TNRC18: variants seen among roughly 807,000 people sequenced by gnomAD.
TNRC18 encodes the protein trinucleotide repeat containing 18, also known as trinucleotide repeat-containing gene 18 protein.
In TNRC18, 69 loss-of-function variants were observed where a neutral mutation model predicts 226.7. The observed-to-expected ratio is 0.30, with a 90% CI of 0.25 to 0.37. The LOEUF (loss-of-function observed/expected upper bound fraction) is 0.37. TNRC18 is among the 10% of genes least tolerant of loss of function. The pLI, the probability that TNRC18 is intolerant of heterozygous loss-of-function variation, is 1.00. For synonymous variants in TNRC18, 2,449 were observed against 1,927.6 expected (o/e 1.27, Z -7.09); for missense variants, 4,754 against 4,256.6 (o/e 1.12, Z -3.25).
rs1205260992 is a variant in TNRC18, at chr7:5,312,975, G to A, written c.7916C>T (p.Ser2639Phe). 9 of 1,108,526 alleles carry A rather than the reference G, an allele frequency of 8.1e-6. No homozygotes were observed. The highest frequency in any genetic ancestry group is 4.1e-5 in the Admixed American group (2 of 48,624). 68.7% of individuals were successfully genotyped at this position (1,108,526 alleles called of 1,614,324 possible). A position where few individuals can be genotyped will look rare whatever the true frequency, so the allele number is the denominator to read the frequency against. The change falls in exon 27 of 30, where the codon TCC becomes TTC. Residue 2639 changes from serine (S) to phenylalanine (F), a missense_variant. Physicochemically the swap from Ser to Phe is radical, Grantham distance 155. Transcript: ENST00000430969. The surrounding 1 kb of genome is among the most constrained non-coding windows in gnomAD (Gnocchi z 6.3). Reference protein sequence around the residue: ...SSSSSSSSSSSSSSSSSSSSS... With the variant: ...SSSSSSSSSSFSSSSSSSSSS... ...GGAAGACGAAGAGGAAGAGGAGGAG[G>A]AGGAAGAGGAGGAGGAGGAAGAGGA... is the stretch of plus-strand genomic sequence containing the variant.
chr7:5,394,513 A>G lies in TNRC18; in HGVS notation c.270T>C (p.Ser90=). The stretch of plus-strand genomic sequence containing the variant: ...GGGTTGGGGAGCGGAAAGACAGGTC[A>G]GAGGGCAGTGGCACTGGGCTCCCAT... ...SSHGSPVPLP[S]DLSFRSPTPS... The change falls in exon 3 of 30, where the codon TCT becomes TCC. Residue 90 remains serine, a synonymous_variant. Coordinates refer to ENST00000430969, the MANE Select transcript of TNRC18 (RefSeq NM_001080495.3). This position sits in a 1 kb window ranked among gnomAD's most constrained non-coding sequence, Gnocchi z 4.5. The G allele has an allele frequency of 6.4e-7, 1 of 1,556,986 alleles. No homozygotes were observed. Among genetic ancestry groups the G allele is most frequent in the East Asian group, 2.4e-5 (1 of 41,100 alleles).
Position 5,309,022 on chromosome 7 carries a change from G to C in TNRC18, c.8626-73C>G, listed in dbSNP as rs1015199065. The C allele has an allele frequency of 6.5e-7, 1 of 1,530,166 alleles. No homozygotes were observed. Among genetic ancestry groups the C allele is most frequent in the Admixed American group, 1.9e-5 (1 of 51,680 alleles). The allele number at this position is 1,530,166 out of a possible 1,614,324, so 94.8% of individuals were successfully genotyped here. A position where few individuals can be genotyped will look rare whatever the true frequency, so the allele number is the denominator to read the frequency against. Reference sequence around the variant, plus strand: ...CACCCGACCCCAGGCCCCAGGACAGGGCTGACCCACTGGGCAGGGCTGCTG... The same window carrying C: ...CACCCGACCCCAGGCCCCAGGACAGCGCTGACCCACTGGGCAGGGCTGCTG... On this transcript the variant is annotated intron_variant, in intron 28 of 29. Coordinates refer to ENST00000430969, the MANE Select transcript of TNRC18 (RefSeq NM_001080495.3). The surrounding 1 kb of genome is among the most constrained non-coding windows in gnomAD (Gnocchi z 5.7).
chr7:5,392,336 G>A (rs748096552), intron 3 of TNRC18, among the ~76,000 whole-genome samples: 3 of 152,138 alleles, frequency 2.0e-5, no homozygotes, highest in Non-Finnish European at 4.4e-5. Flanking sequence ...GGTAGCAGGC[G>A]CCTGTAGTCC....
intron 19 of TNRC18, among the ~76,000 whole-genome samples, chr7:5,327,746 A>T (rs1322551062): frequency 1.3e-5 from 2 of 149,990 alleles, no homozygotes; most frequent in African/African-American, 5.0e-5. Context: ...ACTTTTTTGT[A>T]AAAAAAACAT....
At chr7:5,415,211 T>A (rs1379913041) in intron 2 of TNRC18, among the ~76,000 whole-genome samples, 5 of 151,986 alleles carry the variant, frequency 3.3e-5, no homozygotes, top group Non-Finnish European at 5.9e-5. Flanking sequence ...ACTTTTGTGT[T>A]CCGTCCACCT....
At chr7:5,349,543 G>T (rs1206277120) in intron 17 of TNRC18, among the ~76,000 whole-genome samples, 1 of 152,222 alleles carries the variant, frequency 6.6e-6, no homozygotes, top group African/African-American at 2.4e-5. Flanking sequence ...CCCGGTGGGG[G>T]CGAACCCCGA....
At position 5,324,087 on chromosome 7, in the gene TNRC18, C is replaced by G; in HGVS notation, c.6442+127G>C. ...GACCCGGATAACTCAGCCTCAGGATCTCTGCTCCTGTGGTTCCCTGCCCCC... is the reference window on the plus strand; with the variant it reads ...GACCCGGATAACTCAGCCTCAGGATGTCTGCTCCTGTGGTTCCCTGCCCCC... On this transcript the variant is annotated intron_variant, in intron 21 of 29. Coordinates refer to ENST00000430969, the MANE Select transcript of TNRC18 (RefSeq NM_001080495.3). The surrounding 1 kb of genome is among the most constrained non-coding windows in gnomAD (Gnocchi z 4.8). 1 of 1,089,156 alleles carries G rather than the reference C, an allele frequency of 9.2e-7. No homozygotes were observed. The highest frequency in any genetic ancestry group is 1.3e-6 in the Non-Finnish European group (1 of 777,064). 67.5% of individuals were successfully genotyped at this position (1,089,156 alleles called of 1,614,324 possible).
chr7:5,354,857 C>T (rs1460191447), intron 16 of TNRC18, among the ~76,000 whole-genome samples: 1 of 152,200 alleles, frequency 6.6e-6, no homozygotes, highest in Non-Finnish European at 1.5e-5. Context: ...GTGACGATAT[C>T]TTAACTCTGA....
At chr7:5,356,642 G>A (rs1181104312) in intron 16 of TNRC18, among the ~76,000 whole-genome samples, 1 of 152,152 alleles carries the variant, frequency 6.6e-6, no homozygotes, top group Non-Finnish European at 1.5e-5. Flanking sequence ...GCCGGCGGAG[G>A]TCGGCTCCCA....
chr7:5,332,504 G>T, intron 19 of TNRC18, 118 bp downstream of exon 19: 1 of 1,186,012 alleles, frequency 8.4e-7, no homozygotes, highest in Non-Finnish European at 1.1e-6. Context: ...CGGGCCTGGA[G>T]CCGAGTACAT....
rs777049427 is a variant in TNRC18, at chr7:5,388,342, G to A, written c.1482C>T (p.Phe494=). 8.8e-6 allele frequency: 14 copies of A among 1,589,716 alleles called. No homozygotes were observed. The East Asian group carries it at 1.4e-4, about 16-fold the overall frequency. ...GPAAQQAAKL[F]GLEPGRPPPT... ...GCGGGGGGCGCCCGGGCTCCAGGCC[G>A]AAGAGCTTGGCGGCCTGTTGGGCTG... is the stretch of plus-strand genomic sequence containing the variant. Residue 494 remains phenylalanine (F), a synonymous_variant, in exon 5 of 30, where the codon TTC becomes TTT. Transcript: ENST00000430969.
Position 5,388,173 on chromosome 7 carries a change from A to C in TNRC18, c.1651T>G (p.Tyr551Asp), listed in dbSNP as rs1779953758. 1 of 1,580,678 alleles carries C rather than the reference A, an allele frequency of 6.3e-7. No homozygotes were observed. The highest frequency in any genetic ancestry group is 1.3e-5 in the African/African-American group (1 of 74,156). ...VVAASSSKKA[Y>D]LDPGAVLPRS... is the part of the protein sequence containing the mutation. ...GGCAGCACAGCCCCAGGGTCCAGGT[A>C]GGCCTTCTTGGAGGAGGAGGCAGCG... Residue 551 changes from tyrosine to aspartate, a missense_variant, in exon 5 of 30, where the codon TAC becomes GAC. Transcript: ENST00000430969.
intron 11 of TNRC18, among the ~76,000 whole-genome samples, chr7:5,364,126 C>G (rs1793367321): frequency 6.6e-6 from 1 of 152,030 alleles, no homozygotes; most frequent in African/African-American, 2.4e-5. Flanking sequence ...TGGTGAAACC[C>G]TGTCTCTACT....
At chr7:5,328,433 C>T (rs1417022902) in intron 19 of TNRC18, among the ~76,000 whole-genome samples, 4 of 151,510 alleles carry the variant, frequency 2.6e-5, no homozygotes, top group East Asian at 3.9e-4. Context: ...TTTGGGAGGT[C>T]GAGGCAGGAG....
intron 11 of TNRC18, 33 bp from the exon 12 acceptor site, chr7:5,362,858 T>C (rs2128162849): frequency 1.4e-6 from 2 of 1,466,798 alleles, no homozygotes; most frequent in Non-Finnish European, 9.0e-7. Context: ...AGGGCGCTGC[T>C]GCCACCCCTT....
chr7:5,316,120 C>G (rs1239832785), intron 24 of TNRC18, 48 bp from the exon 25 acceptor site: 1 of 1,456,216 alleles, frequency 6.9e-7, no homozygotes, highest in Admixed American at 1.9e-5. Context: ...CCTCCAGCTC[C>G]CTAGTGACGC....
intron 2 of TNRC18, among the ~76,000 whole-genome samples, chr7:5,398,260 AC>A (rs1780838120): frequency 6.6e-6 from 1 of 150,480 alleles, no homozygotes; most frequent in South Asian, 2.1e-4. Flanking sequence ...ACCTTCCGCC[AC>A]CCGGGTTCAA....
Position 5,362,794 on chromosome 7 carries a change from G to A in TNRC18, c.4251C>T (p.Ser1417=). Reference sequence around the variant, plus strand: ...TGCCAGCTGCCAGCAGACTCTCCAGGGAGGGCCGCGCCACCAGGGCCCGCT... The same window carrying A: ...TGCCAGCTGCCAGCAGACTCTCCAGAGAGGGCCGCGCCACCAGGGCCCGCT... ...GAERALVARP[S]LESLLAAGSH... The change falls in exon 12 of 30, where the codon TCC becomes TCT. Residue 1417 remains serine, a synonymous_variant. Coordinates refer to ENST00000430969, the MANE Select transcript of TNRC18 (RefSeq NM_001080495.3). 1.3e-6 allele frequency: 2 copies of A among 1,568,738 alleles called. No individual in the cohort carries two copies. Among genetic ancestry groups the A allele is most frequent in the South Asian group, 1.2e-5 (1 of 85,318 alleles).
rs769883304 is a variant in TNRC18 at position 5,387,837 on chromosome 7, C to G, written c.1987G>C (p.Ala663Pro). 13 of 1,605,664 alleles carry G rather than the reference C, an allele frequency of 8.1e-6. No homozygotes were observed. Among genetic ancestry groups the G allele is most frequent in the Non-Finnish European group, 1.1e-5 (13 of 1,178,946 alleles). ...RDPERPESAKAFGREGSGAQG... is the reference protein window; with the variant it reads ...RDPERPESAKPFGREGSGAQG... ...GCACCAGAGCCCTCGCGCCCGAAAG[C>G]TTTGGCGCTCTCGGGCCTCTCGGGG... Residue 663 changes from alanine (A) to proline (P), a missense_variant, in exon 5 of 30, where the codon GCT becomes CCT. Ala to Pro is a conservative substitution (Grantham distance 27). Coordinates refer to ENST00000430969, the MANE Select transcript of TNRC18 (RefSeq NM_001080495.3).
Sources: allele counts gnomAD v4.1 joint callset (sites outside exome capture counted in the v4.1 genomes callset), GRCh38; gene constraint gnomAD v4.1.1; non-coding constraint Gnocchi (gnomAD v3.1); transcripts MANE v1.5; gene names NCBI Gene and HGNC (gene_info 2026-07-23, HGNC 2026-07-21).